FMNL2: variants seen among roughly 807,000 people sequenced by gnomAD.
The protein encoded by FMNL2 is formin like 2, also known as formin-like protein 2.
Under a neutral mutation model 130.2 loss-of-function variants are expected in FMNL2, and 51 were observed. That is an observed-to-expected ratio of 0.39 (90% CI 0.31 to 0.49). The LOEUF (loss-of-function observed/expected upper bound fraction) is 0.49. Ranked by LOEUF, FMNL2 falls within the 20% of genes least tolerant of loss-of-function variation. FMNL2 has a pLI of 0.85. For missense variants in FMNL2, 977 were observed against 1,316.2 expected (o/e 0.74, Z 3.99); for synonymous variants, 465 against 467.1 (o/e 1.00, Z 0.06).
At chr2:152,550,982 A>T (rs563096423) in intron 4 of FMNL2, among the ~76,000 whole-genome samples, 2 of 152,174 alleles carry the variant, frequency 1.3e-5, no homozygotes, top group African/African-American at 4.8e-5. Flanking sequence ...TACTAAAAAT[A>T]CAAAAAATTA....
In FMNL2 at chr2:152,589,987, A is replaced by ATATGTATGTGTATGTATATGTATATG. The variant is rs70974871; in HGVS notation, c.876+8945_876+8946insGTGTATGTATATGTATATGTATGTAT. 1.1e-4 allele frequency among the ~76,000 whole-genome samples: 6 copies of ATATGTATGTGTATGTATATGTATATG among 55,238 alleles called. 1 individual carries two copies. The highest frequency in any genetic ancestry group is 1.9e-4 in the Admixed American group (1 of 5,400). The allele number at this position is 55,238 out of a possible 152,430, so 36.2% of individuals were successfully genotyped here. On this transcript the variant is annotated intron_variant, in intron 9 of 25. Coordinates refer to ENST00000288670, the MANE Select transcript of FMNL2 (RefSeq NM_052905.4). ...TATATATATATATATATATATATGT[A>ATATGTATGTGTATGTATATGTATATG]TATGTATATGTATATATATATACAT...
intron 9 of FMNL2, among the ~76,000 whole-genome samples, chr2:152,601,818 C>T (rs1379589305): frequency 2.6e-5 from 4 of 151,460 alleles, no homozygotes; most frequent in Non-Finnish European, 4.4e-5. Flanking sequence ...TACAGGCGCC[C>T]GCCACCATGC....
chr2:152,628,440 G>C lies in FMNL2; in HGVS notation c.2307G>C (p.Met769Ile), dbSNP rs745508246. 5.0e-6 allele frequency: 8 copies of C among 1,613,914 alleles called. No individual in the cohort carries two copies. The highest frequency in any genetic ancestry group is 6.8e-6 in the Non-Finnish European group (8 of 1,179,916). ...ACTTGTCAGATGAAGATCGGTTCAT[G>C]ATGCAGTTTAGTAAAATCGAGAGGC... ...LENLSDEDRF[M>I]MQFSKIERLM... The change falls in exon 18 of 26, where the codon ATG becomes ATC. Residue 769 changes from methionine (M) to isoleucine (I), a missense_variant. Coordinates refer to ENST00000288670, the MANE Select transcript of FMNL2 (RefSeq NM_052905.4).
chr2:152,459,434 A>T (rs778000671), intron 1 of FMNL2, among the ~76,000 whole-genome samples: 1 of 152,300 alleles, frequency 6.6e-6, no homozygotes, highest in Admixed American at 6.5e-5. Flanking sequence ...AGTCTAAGTG[A>T]TTGATTTATA....
chr2:152,506,100 T>C (rs1196764791), intron 1 of FMNL2, among the ~76,000 whole-genome samples: 1 of 152,238 alleles, frequency 6.6e-6, no homozygotes, highest in African/African-American at 2.4e-5. Flanking sequence ...CTGCGTACTA[T>C]GTGATAGCCT....
chr2:152,408,291 T>C (rs2105989293), intron 1 of FMNL2, among the ~76,000 whole-genome samples: 1 of 152,328 alleles, frequency 6.6e-6, no homozygotes, highest in Non-Finnish European at 1.5e-5. Flanking sequence ...CTTGTATCTT[T>C]ATCGTAGCCC....
At chr2:152,548,952 A>G in intron 3 of FMNL2, 69 bp from the exon 4 acceptor site, 1 of 1,208,198 alleles carries the variant, frequency 8.3e-7, no homozygotes, top group Admixed American at 2.8e-5. Context: ...TGTTAAATTT[A>G]TTATAACTAA....
chr2:152,605,833 G>A (rs6434115), intron 9 of FMNL2, among the ~76,000 whole-genome samples: 106,015 of 152,062 alleles, frequency 0.7, 37,460 homozygotes, highest in East Asian at 0.93. Flanking sequence ...CGTTCCCAGC[G>A]TATGGTTTAG....
intron 9 of FMNL2, among the ~76,000 whole-genome samples, chr2:152,601,667 C>CTTTTTTTTTTTTTTT (rs36031692): frequency 1.5e-5 from 2 of 132,240 alleles, no homozygotes; most frequent in Non-Finnish European, 3.1e-5. Flanking sequence ...CTTTTCTTTT[C>CTTTTTTTTTTTTTTT]TTTCTTTTTT....
At chr2:152,504,662 C>T (rs75770260) in intron 1 of FMNL2, among the ~76,000 whole-genome samples, 11,202 of 152,200 alleles carry the variant, frequency 0.074, 667 homozygotes, top group Admixed American at 0.21. Context: ...GGGTTGTTTA[C>T]TGAATGTAAG....
intron 14 of FMNL2, 91 bp downstream of exon 14, chr2:152,619,249 T>C: frequency 7.0e-7 from 1 of 1,431,926 alleles, no homozygotes; most frequent in Non-Finnish European, 9.3e-7. Flanking sequence ...TTGTCCGTTT[T>C]TGTTGGCATG....
intron 1 of FMNL2, 33 bp downstream of exon 1, chr2:152,335,753 C>G: frequency 1.3e-6 from 2 of 1,491,750 alleles, no homozygotes; most frequent in Non-Finnish European, 1.8e-6. Context: ...GCGCGGGGAC[C>G]CGGGGCCCCG....
At chr2:152,485,365 C>T (rs900409750) in intron 1 of FMNL2, among the ~76,000 whole-genome samples, 2 of 152,166 alleles carry the variant, frequency 1.3e-5, no homozygotes, top group African/African-American at 2.4e-5. Context: ...GTGGTGTGCA[C>T]CTGTAGTCCC....
intron 1 of FMNL2, among the ~76,000 whole-genome samples, chr2:152,336,343 G>A (rs984194386): frequency 1.3e-5 from 2 of 152,176 alleles, no homozygotes; most frequent in African/African-American, 4.8e-5. Context: ...AGGAGCAGGG[G>A]CATCTGAAAC....
Position 152,589,339 on chromosome 2 carries a change from A to C in FMNL2, c.876+8290A>C, listed in dbSNP as rs202200502. On this transcript the variant is annotated intron_variant, in intron 9 of 25. Transcript: ENST00000288670. ...CAAACAAAAAAAACAACAAAAAAAA[A>C]CCCAGGGTGTTAGGGTGTTGCTGCC... 6.1e-3 allele frequency among the ~76,000 whole-genome samples: 892 copies of C among 146,030 alleles called. 5 individuals carry two copies. The highest frequency in any genetic ancestry group is 0.016 in the African/African-American group (650 of 40,272).
intron 1 of FMNL2, among the ~76,000 whole-genome samples, chr2:152,441,572 C>T (rs548708970): frequency 7.3e-5 from 11 of 151,590 alleles, no homozygotes; most frequent in African/African-American, 2.7e-4. Context: ...CGTGGTGGTT[C>T]ATGCCTGTAA....
chr2:152,542,652 G>T, intron 2 of FMNL2, 87 bp from the exon 3 acceptor site: 18 of 1,292,712 alleles, frequency 1.4e-5, no homozygotes, highest in Non-Finnish European at 2.0e-5. Context: ...GATGCATTTT[G>T]GTCATATTTT....
At chr2:152,454,937 G>A (rs1370703408) in intron 1 of FMNL2, among the ~76,000 whole-genome samples, 1 of 152,176 alleles carries the variant, frequency 6.6e-6, no homozygotes, top group Non-Finnish European at 1.5e-5. Flanking sequence ...CATCAGTGCT[G>A]CGTCAGGGTG....
intron 1 of FMNL2, among the ~76,000 whole-genome samples, chr2:152,420,196 G>C (rs1686834744): frequency 6.6e-6 from 1 of 152,204 alleles, no homozygotes; most frequent in Non-Finnish European, 1.5e-5. Context: ...ATTTAAAAGA[G>C]AGTAGTGACA....
Sources: allele counts gnomAD v4.1 joint callset (sites outside exome capture counted in the v4.1 genomes callset), GRCh38; gene constraint gnomAD v4.1.1; transcripts MANE v1.5; gene names NCBI Gene and HGNC (gene_info 2026-07-23, HGNC 2026-07-21).